The following ARHGAP24 variants were observed in gnomAD, a reference collection of about 807,000 sequenced individuals.
ARHGAP24 encodes rho GTPase-activating protein 24.
ARHGAP24 carries 50 observed loss-of-function variants against 76.4 expected under a neutral mutation model. The ratio of observed to expected loss-of-function variants is 0.65; its 90% CI spans 0.52 to 0.83. The LOEUF (loss-of-function observed/expected upper bound fraction) is 0.83, where lower values mean the gene tolerates loss of function less well. Ranked by LOEUF, ARHGAP24 falls within the 40% of genes least tolerant of loss-of-function variation. The pLI, the probability that ARHGAP24 is intolerant of heterozygous loss-of-function variation, is 0.00. For synonymous variants in ARHGAP24, 345 were observed against 323.3 expected, an observed-to-expected ratio of 1.07 and a Z score of -0.72; for missense variants, 930 against 914.2, an observed-to-expected ratio of 1.02 and a Z score of -0.22.
chr4:85,841,681 G>C (rs555087522), intron 3 of ARHGAP24, among the ~76,000 whole-genome samples: 2 of 152,266 alleles, frequency 1.3e-5, no homozygotes, highest in Non-Finnish European at 2.9e-5. Context: ...AATTTTGCTT[G>C]ATTGAAATGA....
intron 3 of ARHGAP24, among the ~76,000 whole-genome samples, chr4:85,905,625 T>C (rs1734732062): frequency 6.6e-6 from 1 of 152,194 alleles, no homozygotes; most frequent in South Asian, 2.1e-4. Context: ...AGAATTCCCT[T>C]GCATTTGTTT....
chr4:85,683,084 A>G (rs1723267522), intron 2 of ARHGAP24, among the ~76,000 whole-genome samples: 1 of 106,654 alleles, frequency 9.4e-6, no homozygotes. Flanking sequence ...CCTCACCTCC[A>G]TCAACTCTTA....
intron 3 of ARHGAP24, among the ~76,000 whole-genome samples, chr4:85,782,076 A>G (rs1467862421): frequency 6.7e-6 from 1 of 149,722 alleles, no homozygotes; most frequent in Non-Finnish European, 1.5e-5. Context: ...AAAAAAAACA[A>G]TTGTCTAGAA....
chr4:85,811,605 A>G (rs1432771338), intron 3 of ARHGAP24, among the ~76,000 whole-genome samples: 1 of 152,196 alleles, frequency 6.6e-6, no homozygotes, highest in Non-Finnish European at 1.5e-5. Context: ...ATTTTATCCC[A>G]CTGATAATGG....
intron 3 of ARHGAP24, among the ~76,000 whole-genome samples, chr4:85,804,504 A>T (rs1728709843): frequency 6.6e-6 from 1 of 152,170 alleles, no homozygotes; most frequent in South Asian, 2.1e-4. Flanking sequence ...TCTTTAAGAG[A>T]GCTAGGTAAT....
intron 3 of ARHGAP24, among the ~76,000 whole-genome samples, chr4:85,812,200 A>G (rs1177598740): frequency 2.6e-5 from 4 of 151,992 alleles, no homozygotes; most frequent in Non-Finnish European, 4.4e-5. Context: ...AAATAAAAAT[A>G]AAAAATAAAT....
At chr4:85,940,303 T>C (rs1181764284) in intron 4 of ARHGAP24, among the ~76,000 whole-genome samples, 1 of 152,030 alleles carries the variant, frequency 6.6e-6, no homozygotes, top group Non-Finnish European at 1.5e-5. Flanking sequence ...AGCATGTCTG[T>C]TAATCTTTTA....
intron 2 of ARHGAP24, among the ~76,000 whole-genome samples, chr4:85,703,227 C>G (rs1724164488): frequency 6.6e-6 from 1 of 152,036 alleles, no homozygotes; most frequent in Non-Finnish European, 1.5e-5. Flanking sequence ...GTTTTTTATT[C>G]ATTTAGTCAG....
chr4:85,967,994 G>A lies in ARHGAP24; in HGVS notation c.600-4042G>A, dbSNP rs191729851. On this transcript the variant is annotated intron_variant, in intron 5 of 9. Coordinates refer to ENST00000395184, the MANE Select transcript of ARHGAP24 (RefSeq NM_001025616.3). The stretch of plus-strand genomic sequence containing the variant: ...CAGAGACAGCCCCATTACATGGCAT[G>A]CATCTCATACATGGTTTGAACAGCT... Among the ~76,000 whole-genome samples, 109 of 152,272 alleles carry A rather than the reference G, an allele frequency of 7.2e-4. No homozygotes were observed. In the East Asian group the frequency reaches 0.018, roughly 26 times the overall value.
intron 4 of ARHGAP24, among the ~76,000 whole-genome samples, chr4:85,940,217 G>T (rs897918389): frequency 1.3e-5 from 2 of 152,154 alleles, no homozygotes; most frequent in Admixed American, 6.6e-5. Flanking sequence ...ACATCAGCTT[G>T]TTTTTCTCAC....
At chr4:85,777,850 A>G (rs982508300) in intron 3 of ARHGAP24, among the ~76,000 whole-genome samples, 6 of 152,216 alleles carry the variant, frequency 3.9e-5, no homozygotes, top group Non-Finnish European at 8.8e-5. Flanking sequence ...TCACTCTTTC[A>G]GTTAGAAAAA....
intron 2 of ARHGAP24, among the ~76,000 whole-genome samples, chr4:85,643,302 ACT>A (rs1721600299): frequency 1.7e-5 from 1 of 59,376 alleles, no homozygotes. Flanking sequence ...CCCAGGCTGG[ACT>A]GCGGACTGCA....
chr4:85,498,592 G>A (rs540190011), intron 1 of ARHGAP24, among the ~76,000 whole-genome samples: 3 of 150,582 alleles, frequency 2.0e-5, no homozygotes, highest in Non-Finnish European at 4.4e-5. Flanking sequence ...AGGAAGTGAG[G>A]AGACCACAGG....
At chr4:85,724,779 T>A (rs1725104804) in intron 3 of ARHGAP24, among the ~76,000 whole-genome samples, 1 of 152,172 alleles carries the variant, frequency 6.6e-6, no homozygotes, top group African/African-American at 2.4e-5. Context: ...TCCTATGAAA[T>A]GAATTATCTC....
chr4:85,645,524 C>T (rs1470266801), intron 2 of ARHGAP24, among the ~76,000 whole-genome samples: 1 of 152,082 alleles, frequency 6.6e-6, no homozygotes, highest in East Asian at 1.9e-4. Context: ...AGGTTATCCT[C>T]TCTGAGCATG....
intron 3 of ARHGAP24, among the ~76,000 whole-genome samples, chr4:85,792,589 C>G (rs1486220395): frequency 6.6e-6 from 1 of 152,082 alleles, no homozygotes; most frequent in Non-Finnish European, 1.5e-5. Context: ...TCCCTGAAAT[C>G]CAGCCTATGG....
chr4:85,957,206 AT>A (rs1737970354), intron 5 of ARHGAP24, among the ~76,000 whole-genome samples: 1 of 152,150 alleles, frequency 6.6e-6, no homozygotes, highest in African/African-American at 2.4e-5. Context: ...GATTTTAGCC[AT>A]TTCCATATAA....
At chr4:85,502,445 T>G (rs1723860530) in intron 1 of ARHGAP24, among the ~76,000 whole-genome samples, 1 of 152,188 alleles carries the variant, frequency 6.6e-6, no homozygotes, top group Non-Finnish European at 1.5e-5. Flanking sequence ...TCACATCCCT[T>G]GTAAGTTGGA....
intron 1 of ARHGAP24, among the ~76,000 whole-genome samples, chr4:85,525,576 A>G (rs1724958177): frequency 6.6e-6 from 1 of 152,110 alleles, no homozygotes; most frequent in Non-Finnish European, 1.5e-5. Flanking sequence ...AGGCAAGAAC[A>G]TTTTATAAAT....
Sources: allele counts gnomAD v4.1 joint callset (sites outside exome capture counted in the v4.1 genomes callset), GRCh38; gene constraint gnomAD v4.1.1; transcripts MANE v1.5; gene names NCBI Gene and HGNC (gene_info 2026-07-23, HGNC 2026-07-21).